KCNIP1: variants seen among roughly 807,000 people sequenced by gnomAD.
KCNIP1 encodes potassium voltage-gated channel interacting protein 1, also known as A-type potassium channel modulatory protein KCNIP1.
KCNIP1 carries 18 observed loss-of-function variants against 33.0 expected under a neutral mutation model. The observed-to-expected ratio is 0.55, with a 90% CI of 0.38 to 0.81. The LOEUF (loss-of-function observed/expected upper bound fraction) is 0.81, where lower values mean the gene tolerates loss of function less well. Ranked by LOEUF, KCNIP1 falls within the 30% of genes least tolerant of loss-of-function variation. KCNIP1 has a pLI of 0.00. For missense variants in KCNIP1, 238 were observed against 271.6 expected, an observed-to-expected ratio of 0.88 and a Z score of 0.87; for synonymous variants, 93 against 98.3, an observed-to-expected ratio of 0.95 and a Z score of 0.32.
At chr5:170,598,205 T>A (rs975534049) in intron 1 of KCNIP1, among the ~76,000 whole-genome samples, 5 of 152,012 alleles carry the variant, frequency 3.3e-5, no homozygotes, top group Non-Finnish European at 5.9e-5. Flanking sequence ...TCGACACCCT[T>A]TGAATGGGAG....
chr5:170,488,846 C>A (rs1465931762), intron 1 of KCNIP1, among the ~76,000 whole-genome samples: 2 of 152,118 alleles, frequency 1.3e-5, no homozygotes, highest in African/African-American at 4.8e-5. Context: ...TGCAGAGGAC[C>A]CAGAGAAGGG....
At chr5:170,451,274 T>A (rs767121972) in intron 1 of KCNIP1, among the ~76,000 whole-genome samples, 5 of 152,148 alleles carry the variant, frequency 3.3e-5, no homozygotes, top group Non-Finnish European at 7.3e-5. Flanking sequence ...TTTACCAATG[T>A]TTATAATGTT....
At chr5:170,678,129 G>T (rs1762211740) in intron 1 of KCNIP1, among the ~76,000 whole-genome samples, 1 of 152,236 alleles carries the variant, frequency 6.6e-6, no homozygotes, top group African/African-American at 2.4e-5. Context: ...GATTTGTGAA[G>T]AAACCTTGTA....
chr5:170,494,620 G>A (rs183626413), intron 1 of KCNIP1, among the ~76,000 whole-genome samples: 57 of 152,252 alleles, frequency 3.7e-4, no homozygotes, highest in Admixed American at 7.2e-4. Flanking sequence ...GGCCACCAGC[G>A]TACGTCCTGT....
chr5:170,686,356 GA>G (rs1383976919), intron 1 of KCNIP1, among the ~76,000 whole-genome samples: 1 of 152,000 alleles, frequency 6.6e-6, no homozygotes, highest in East Asian at 1.9e-4. Flanking sequence ...GAATGAGAGA[GA>G]GGGGGAGGGA....
chr5:170,722,756 A>G lies in KCNIP1; in HGVS notation c.371A>G (p.His124Arg), dbSNP rs774927371. The G allele has an allele frequency of 3.7e-6, 6 of 1,614,028 alleles. No individual in the cohort carries two copies. In the Admixed American group the frequency reaches 1.0e-4, roughly 27 times the overall value. ...ALSILLRGTVHEKLRWTFNLY... is the reference protein window; with the variant it reads ...ALSILLRGTVREKLRWTFNLY... ...TCGATTTTATTGAGAGGAACTGTCCACGAGAAACTAAGGTGGACATTTAAT... is the reference window on the plus strand; with the variant it reads ...TCGATTTTATTGAGAGGAACTGTCCGCGAGAAACTAAGGTGGACATTTAAT... The change falls in exon 5 of 8, where the codon CAC becomes CGC. Residue 124 changes from histidine (H) to arginine (R), a missense_variant. By Grantham distance (29) the His-to-Arg change is conservative (BLOSUM62 0). Coordinates refer to ENST00000328939, the MANE Select transcript of KCNIP1 (RefSeq NM_014592.4).
chr5:170,628,618 G>C (rs1016088523), intron 1 of KCNIP1, among the ~76,000 whole-genome samples: 1 of 152,138 alleles, frequency 6.6e-6, no homozygotes, highest in East Asian at 1.9e-4. Context: ...CTTGGTACCT[G>C]TCATAAACCG....
chr5:170,446,972 G>C (rs979577725), intron 1 of KCNIP1, among the ~76,000 whole-genome samples: 7 of 152,188 alleles, frequency 4.6e-5, no homozygotes, highest in African/African-American at 1.7e-4. Context: ...TTAAGCAATG[G>C]CTTAATTTAG....
chr5:170,655,346 C>T lies in KCNIP1; in HGVS notation c.62-63412C>T, dbSNP rs574657624. Among the ~76,000 whole-genome samples the T allele has an allele frequency of 1.6e-4, 24 of 152,258 alleles. 1 individual carries two copies. Among genetic ancestry groups the T allele is most frequent in the African/African-American group, 5.5e-4 (23 of 41,562 alleles). ...CACACTCGGCCCAGTGAGATGCTTG[C>T]CTAGAGGAGGCACGTGGAAGCCAAG... On this transcript the variant is annotated intron_variant, in intron 1 of 7. Transcript: ENST00000328939.
At chr5:170,463,674 G>A (rs1361244173) in intron 1 of KCNIP1, among the ~76,000 whole-genome samples, 1 of 152,110 alleles carries the variant, frequency 6.6e-6, no homozygotes, top group East Asian at 1.9e-4. Flanking sequence ...CTTTCTCAAT[G>A]TGATAAAGGA....
chr5:170,501,702 G>A (rs1450017342), upstream of KCNIP1, among the ~76,000 whole-genome samples: 1 of 152,226 alleles, frequency 6.6e-6, no homozygotes, highest in Non-Finnish European at 1.5e-5. Context: ...AGAGCCCCAA[G>A]GGGGAAGTAG....
rs140341552 is a variant in KCNIP1 at position 170,462,729 on chromosome 5, C to T, written c.88+108765C>T. ...GCAATTGTAAAAACGTGGAACCAGC[C>T]CAAATGCACATAAAGCAACGAGTGG... On this transcript the variant is annotated intron_variant, in intron 1 of 7. Coordinates refer to the KCNIP1 transcript ENST00000377360. Among the ~76,000 whole-genome samples, 66 of 152,030 alleles carry T rather than the reference C, an allele frequency of 4.3e-4. 1 individual carries two copies. Among genetic ancestry groups the T allele is most frequent in the East Asian group, 3.1e-3 (16 of 5,176 alleles).
chr5:170,369,553 C>A (rs1004902043), intron 1 of KCNIP1, among the ~76,000 whole-genome samples: 1 of 152,212 alleles, frequency 6.6e-6, no homozygotes, highest in African/African-American at 2.4e-5. Context: ...GTATCCATAC[C>A]TCCAGGCCCT....
intron 1 of KCNIP1, chr5:170,379,120 C>T (rs954557383): frequency 5.3e-5 from 50 of 940,726 alleles, no homozygotes; most frequent in Middle Eastern, 3.3e-4. Context: ...GCAGGCCATG[C>T]GCTGTACAGG....
chr5:170,484,892 A>C (rs1213799987), intron 1 of KCNIP1, among the ~76,000 whole-genome samples: 3 of 147,978 alleles, frequency 2.0e-5, no homozygotes, highest in Non-Finnish European at 4.5e-5. Context: ...CTGTAGCCAC[A>C]CCCAGTGGGC....
At chr5:170,622,849 G>A (rs1759659508) in intron 1 of KCNIP1, among the ~76,000 whole-genome samples, 1 of 152,146 alleles carries the variant, frequency 6.6e-6, no homozygotes, top group Admixed American at 6.5e-5. Flanking sequence ...ATAAGTAGCT[G>A]TTGCTTTAAA....
At chr5:170,568,585 G>A (rs1347096149) in intron 1 of KCNIP1, among the ~76,000 whole-genome samples, 2 of 141,402 alleles carry the variant, frequency 1.4e-5, no homozygotes, top group African/African-American at 2.6e-5. Context: ...GGCCGAGGCG[G>A]GTGGATCACC....
chr5:170,627,750 G>C (rs542537674), intron 1 of KCNIP1, among the ~76,000 whole-genome samples: 1 of 152,336 alleles, frequency 6.6e-6, no homozygotes, highest in Non-Finnish European at 1.5e-5. Flanking sequence ...AGGAGCCAAG[G>C]TGGGAGTCCC....
At chr5:170,628,301 C>T (rs1450280182) in intron 1 of KCNIP1, among the ~76,000 whole-genome samples, 2 of 152,170 alleles carry the variant, frequency 1.3e-5, no homozygotes, top group African/African-American at 2.4e-5. Context: ...CATGGCTACC[C>T]CCAGCCTGAC....
Sources: gnomAD v4.1 joint callset for allele counts (sites outside exome capture counted in the v4.1 genomes callset) on GRCh38, gnomAD v4.1.1 for gene constraint, MANE v1.5 for transcripts, NCBI Gene and HGNC (gene_info 2026-07-23, HGNC 2026-07-21) for gene names.